Variants in CCDC91 observed in about 807,000 individuals in gnomAD.
The protein encoded by CCDC91 is coiled-coil domain-containing protein 91.
CCDC91 carries 48 observed loss-of-function variants against 63.2 expected under a neutral mutation model. The ratio of observed to expected loss-of-function variants is 0.76; its 90% confidence interval spans 0.60 to 0.97. The LOEUF is 0.97. CCDC91 is among the 50% of genes least tolerant of loss of function. The pLI, the probability that CCDC91 is intolerant of heterozygous loss-of-function variation, is 0.00. For synonymous variants in CCDC91, 167 were observed against 165.8 expected (o/e 1.01, Z -0.06); for missense variants, 500 against 494.6 (o/e 1.01, Z -0.10).
chr12:28,193,325 G>A (rs1010474710), intron 1 of CCDC91, among the ~76,000 whole-genome samples: 9 of 152,158 alleles, frequency 5.9e-5, no homozygotes, highest in Admixed American at 4.6e-4. Context: ...ATTACCAGCT[G>A]GGCGCAGTGG....
chr12:28,499,507 C>G (rs972596889), intron 12 of CCDC91, among the ~76,000 whole-genome samples: 2 of 151,748 alleles, frequency 1.3e-5, no homozygotes, highest in African/African-American at 4.8e-5. Context: ...CCTTCCCCTA[C>G]CCCCCACTCC....
Position 28,259,462 on chromosome 12 carries a change from A to G in CCDC91, c.109+20A>G. On this transcript the variant is annotated intron_variant, in intron 3 of 12. Transcript: ENST00000536442. ...CTGCAGGTATTGGTATCCAGGAATTAGGGTTTTTTTTTTTTTTTTTCCCAT... is the reference window on the plus strand; with the variant it reads ...CTGCAGGTATTGGTATCCAGGAATTGGGGTTTTTTTTTTTTTTTTTCCCAT... 9.4e-7 allele frequency: 1 copy of G among 1,060,858 alleles called. No individual in the cohort carries two copies. The highest frequency in any genetic ancestry group is 1.4e-6 in the Non-Finnish European group (1 of 729,724). The allele number at this position is 1,060,858 out of a possible 1,614,324, so 65.7% of individuals were successfully genotyped here.
chr12:28,521,130 G>A (rs1472149977), intron 12 of CCDC91, among the ~76,000 whole-genome samples: 12 of 152,140 alleles, frequency 7.9e-5, no homozygotes, highest in Non-Finnish European at 1.3e-4. Flanking sequence ...TAGCTTGATC[G>A]CGATGGCATT....
At chr12:28,290,020 C>G (rs1949144799) in intron 3 of CCDC91, among the ~76,000 whole-genome samples, 1 of 152,032 alleles carries the variant, frequency 6.6e-6, no homozygotes, top group South Asian at 2.1e-4. Context: ...GTTGTCTTAT[C>G]AGGTCCATTT....
At chr12:28,432,219 C>T (rs1345173159) in intron 8 of CCDC91, among the ~76,000 whole-genome samples, 1 of 151,826 alleles carries the variant, frequency 6.6e-6, no homozygotes, top group Non-Finnish European at 1.5e-5. Context: ...TTTGGATGTA[C>T]CACAGTTTAT....
chr12:28,391,784 C>T (rs1287863547), intron 8 of CCDC91, among the ~76,000 whole-genome samples: 2 of 152,134 alleles, frequency 1.3e-5, no homozygotes, highest in Non-Finnish European at 2.9e-5. Context: ...TGTTACCTTT[C>T]ATTCTGTACA....
At chr12:28,213,264 G>A in intron 1 of CCDC91, among the ~76,000 whole-genome samples, 1 of 152,104 alleles carries the variant, frequency 6.6e-6, no homozygotes, top group East Asian at 1.9e-4. Context: ...TCTCCCCACC[G>A]ACTCCTCTTT....
intron 3 of CCDC91, among the ~76,000 whole-genome samples, chr12:28,275,981 A>C (rs1487883638): frequency 6.6e-6 from 1 of 152,096 alleles, no homozygotes; most frequent in African/African-American, 2.4e-5. Flanking sequence ...TCAAAATAAT[A>C]AGAGCTATCT....
At chr12:28,523,161 G>T (rs1034167349) in intron 12 of CCDC91, among the ~76,000 whole-genome samples, 1 of 152,106 alleles carries the variant, frequency 6.6e-6, no homozygotes. Context: ...TCTGTCTAAT[G>T]TTGACAGTGG....
chr12:28,474,954 G>T lies in CCDC91; in HGVS notation c.1102-9098G>T, dbSNP rs182476868. 1.3e-4 allele frequency among the ~76,000 whole-genome samples: 20 copies of T among 152,058 alleles called. No individual in the cohort carries two copies. In the East Asian group the frequency reaches 3.9e-3, roughly 29 times the overall value. ...CATAATGAAATGAAGGTTTCTTTTG[G>T]GAAGTGGGAAACTGGTAAGGATGGA... On this transcript the variant is annotated intron_variant, in intron 11 of 12. Coordinates refer to ENST00000536442, the MANE Select transcript of CCDC91 (RefSeq NM_018318.5).
chr12:28,267,871 A>AATTATTATAATTATATATAATTAT (rs1947400543), intron 3 of CCDC91, among the ~76,000 whole-genome samples: 1 of 66,840 alleles, frequency 1.5e-5, no homozygotes, highest in African/African-American at 6.1e-5. Context: ...AATTATATAT[A>AATTATTATAATTATATATAATTAT]ATTATATATA....
intron 8 of CCDC91, among the ~76,000 whole-genome samples, chr12:28,407,830 A>G (rs1389332066): frequency 4.0e-5 from 6 of 151,890 alleles, no homozygotes; most frequent in African/African-American, 1.4e-4. Flanking sequence ...ATCTCTGACT[A>G]GTTCATATTT....
intron 8 of CCDC91, among the ~76,000 whole-genome samples, chr12:28,444,757 A>T (rs1395008397): frequency 2.0e-5 from 3 of 152,154 alleles, no homozygotes; most frequent in Non-Finnish European, 2.9e-5. Flanking sequence ...GTGATGAAAT[A>T]ATCTGTACAG....
intron 1 of CCDC91, among the ~76,000 whole-genome samples, chr12:28,252,687 C>G (rs919011519): frequency 5.3e-5 from 8 of 151,652 alleles, no homozygotes; most frequent in Non-Finnish European, 1.0e-4. Flanking sequence ...TTGTTTTTTT[C>G]TTTCTTGGAT....
rs1301659609 is a variant in CCDC91, at chr12:28,480,833, C to T, written c.1102-3219C>T. ...TCTGTAAATAACTGAGCTATGTTTA[C>T]AGTCCTTAACAAAATTGCCCTGATA... On this transcript the variant is annotated intron_variant, in intron 11 of 12. Transcript: ENST00000536442. Among the ~76,000 whole-genome samples the T allele has an allele frequency of 2.0e-5, 3 of 151,970 alleles. No homozygotes were observed. The Admixed American group carries it at 2.0e-4, about 10-fold the overall frequency.
chr12:28,324,320 G>A (rs970813178), intron 6 of CCDC91, among the ~76,000 whole-genome samples: 1 of 151,804 alleles, frequency 6.6e-6, no homozygotes, highest in African/African-American at 2.4e-5. Flanking sequence ...CAAAAATAAT[G>A]ATTGTTTCTT....
intron 11 of CCDC91, among the ~76,000 whole-genome samples, chr12:28,465,684 C>T (rs1950516545): frequency 6.6e-6 from 1 of 152,094 alleles, no homozygotes; most frequent in African/African-American, 2.4e-5. Flanking sequence ...ATTTGGAAAG[C>T]CTTCCCCAGA....
Position 28,335,279 on chromosome 12 carries a change from A to G in CCDC91, c.577-27159A>G, listed in dbSNP as rs1187979349. 6.5e-5 allele frequency among the ~76,000 whole-genome samples: 9 copies of G among 137,824 alleles called. No individual in the cohort carries two copies. The Admixed American group carries it at 7.0e-4, about 11-fold the overall frequency. The allele number at this position is 137,824 out of a possible 152,430, so 90.4% of individuals were successfully genotyped here. ...ATACATATAATATATAATATATAATACATATTATATATAATATAATATATA... is the reference window on the plus strand; with the variant it reads ...ATACATATAATATATAATATATAATGCATATTATATATAATATAATATATA... On this transcript the variant is annotated intron_variant, in intron 6 of 12. Transcript: ENST00000536442.
intron 11 of CCDC91, among the ~76,000 whole-genome samples, chr12:28,458,480 T>TTTTTTTTTTTA (rs1950160215): frequency 8.7e-6 from 1 of 114,714 alleles, no homozygotes; most frequent in African/African-American, 3.3e-5. Context: ...TTTTTTTTTT[T>TTTTTTTTTTTA]TTTTTTTAAG....
Sources: gnomAD v4.1 joint callset for allele counts (sites outside exome capture counted in the v4.1 genomes callset) on GRCh38, gnomAD v4.1.1 for gene constraint, MANE v1.5 for transcripts, NCBI Gene and HGNC (gene_info 2026-07-23, HGNC 2026-07-21) for gene names.